Variants in STARD13 observed in about 807,000 individuals in gnomAD.
The protein encoded by STARD13 is stAR-related lipid transfer protein 13.
STARD13 carries 62 observed loss-of-function variants against 106.4 expected under a neutral mutation model. The observed-to-expected ratio is 0.58, with a 90% confidence interval of 0.48 to 0.72. The LOEUF (loss-of-function observed/expected upper bound fraction) is 0.72. STARD13 is among the 30% of genes least tolerant of loss of function. STARD13 has a pLI of 0.00. For synonymous variants in STARD13, 565 were observed against 553.0 expected (o/e 1.02, Z -0.31); for missense variants, 1,387 against 1,424.0 (o/e 0.97, Z 0.42).
chr13:33,422,823 T>G, the STARD13 span, among the ~76,000 whole-genome samples: 1 of 152,026 alleles, frequency 6.6e-6, no homozygotes, highest in African/African-American at 2.4e-5. Flanking sequence ...TTGACAAACC[T>G]GACAAAAACA....
chr13:33,310,039 G>C (rs1004931386), intron 1 of STARD13, among the ~76,000 whole-genome samples: 8 of 152,190 alleles, frequency 5.3e-5, no homozygotes, highest in Admixed American at 1.3e-4. Flanking sequence ...TATATATAGA[G>C]AATAATGACT....
rs1873775201 is a variant in STARD13 at position 33,106,775 on chromosome 13, G to C, written c.3207C>G (p.Ile1069Met). Reference sequence around the variant, plus strand: ...GCACTTACTTCAGGTCTATCCTGCAGATGTGAGTCAGTCTTGACTTGCCAG... The same window carrying C: ...GCACTTACTTCAGGTCTATCCTGCACATGTGAGTCAGTCTTGACTTGCCAG... ...CGSGKSRLTH[I>M]CRIDLKGHSP... Residue 1069 changes from isoleucine (I) to methionine (M), a missense_variant, in exon 13 of 14, where the codon ATC (isoleucine) becomes ATG (methionine). Physicochemically the swap from Ile to Met is conservative, Grantham distance 10 (BLOSUM62 1). Transcript: ENST00000336934. The C allele has an allele frequency of 2.5e-6, 4 of 1,613,346 alleles. No homozygotes were observed. In the South Asian group the frequency reaches 4.4e-5, roughly 18 times the overall value.
At chr13:33,549,388 AC>A in the STARD13 span, among the ~76,000 whole-genome samples, 2 of 152,030 alleles carry the variant, frequency 1.3e-5, no homozygotes. Flanking sequence ...TATCATCATC[AC>A]CTGGAAACTT....
chr13:33,662,818 G>A, the STARD13 span, among the ~76,000 whole-genome samples: 6 of 152,164 alleles, frequency 3.9e-5, no homozygotes, highest in Non-Finnish European at 7.3e-5. Flanking sequence ...AAATGCATAA[G>A]GAGACATAAA....
chr13:33,544,442 A>G, the STARD13 span, among the ~76,000 whole-genome samples: 1 of 152,242 alleles, frequency 6.6e-6, no homozygotes, highest in African/African-American at 2.4e-5. Context: ...TGCACACTGT[A>G]ACTTTTGTGC....
chr13:33,359,108 G>A, the STARD13 span, among the ~76,000 whole-genome samples: 1 of 152,060 alleles, frequency 6.6e-6, no homozygotes, highest in East Asian at 1.9e-4. Flanking sequence ...AGCCAGCATT[G>A]GCAACCCGCT....
At chr13:33,452,613 T>A in the STARD13 span, among the ~76,000 whole-genome samples, 4 of 152,214 alleles carry the variant, frequency 2.6e-5, no homozygotes, top group Non-Finnish European at 5.9e-5. Flanking sequence ...GAGTCTTGAA[T>A]CCAACTCTTA....
chr13:33,185,920 C>T (rs1464356930), intron 1 of STARD13: 3 of 1,614,232 alleles, frequency 1.9e-6, no homozygotes, highest in Admixed American at 3.3e-5. Context: ...TTCTGTTTCC[C>T]ACCACAGACA....
intron 7 of STARD13, among the ~76,000 whole-genome samples, chr13:33,121,619 C>G (rs1876323433): frequency 6.8e-6 from 1 of 146,610 alleles, no homozygotes; most frequent in Non-Finnish European, 1.5e-5. Flanking sequence ...GAATTTTTGA[C>G]AAGAGATAGT....
At chr13:33,160,275 T>C (rs1032698475) in intron 3 of STARD13, among the ~76,000 whole-genome samples, 5 of 152,180 alleles carry the variant, frequency 3.3e-5, no homozygotes, top group African/African-American at 1.2e-4. Flanking sequence ...ACTCACACCT[T>C]GTTCTTTCTA....
chr13:33,144,957 G>T (rs534676043), intron 3 of STARD13, among the ~76,000 whole-genome samples: 7 of 152,156 alleles, frequency 4.6e-5, no homozygotes, highest in Non-Finnish European at 8.8e-5. Context: ...ACTCGAATAT[G>T]CTTTATACTT....
chr13:33,439,192 T>C, the STARD13 span, among the ~76,000 whole-genome samples: 2 of 152,248 alleles, frequency 1.3e-5, no homozygotes, highest in Non-Finnish European at 2.9e-5. Flanking sequence ...ATTGGTTAGC[T>C]GTTAGTTTAC....
chr13:33,629,652 T>C, the STARD13 span, among the ~76,000 whole-genome samples: 1 of 152,246 alleles, frequency 6.6e-6, no homozygotes, highest in Non-Finnish European at 1.5e-5. Context: ...TGTATGAGAC[T>C]ATATGGCATT....
the STARD13 span, among the ~76,000 whole-genome samples, chr13:33,501,078 CTTTTTTTTTT>C: frequency 3.2e-5 from 3 of 94,088 alleles, no homozygotes; most frequent in African/African-American, 1.6e-4. Flanking sequence ...TCTCTCTCTC[CTTTTTTTTTT>C]TTTTTTTTTT....
the STARD13 span, among the ~76,000 whole-genome samples, chr13:33,411,545 G>A: frequency 1.4e-5 from 1 of 70,000 alleles, no homozygotes; most frequent in African/African-American, 5.6e-5. Flanking sequence ...AGAAACAAAG[G>A]GAAGGTGGGA....
At chr13:33,593,470 A>T in the STARD13 span, among the ~76,000 whole-genome samples, 1 of 152,136 alleles carries the variant, frequency 6.6e-6, no homozygotes, top group South Asian at 2.1e-4. Context: ...GGCATGAGCC[A>T]CCGTGCCCTG....
the STARD13 span, among the ~76,000 whole-genome samples, chr13:33,427,556 T>C: frequency 6.6e-6 from 1 of 152,140 alleles, no homozygotes; most frequent in Non-Finnish European, 1.5e-5. Context: ...CCCAATACTA[T>C]TTTTCACGAG....
At chr13:33,154,524 C>G (rs1404787035) in intron 3 of STARD13, among the ~76,000 whole-genome samples, 2 of 152,132 alleles carry the variant, frequency 1.3e-5, no homozygotes, top group African/African-American at 4.8e-5. Flanking sequence ...TGTAAATAAG[C>G]TATGTGCTTT....
rs182505376 is a variant in STARD13 at position 33,189,830 on chromosome 13, C to G, written c.170-22208G>C. Among the ~76,000 whole-genome samples, 512 of 152,112 alleles carry G rather than the reference C, an allele frequency of 3.4e-3. 1 individual carries two copies. The highest frequency in any genetic ancestry group is 6.0e-3 in the Non-Finnish European group (409 of 68,008). ...TTGCCCGGGTGATCCCAGTTTCTAG[C>G]AGGAGTTCAGCAGAAGTCACTGATT... On this transcript the variant is annotated intron_variant, in intron 1 of 13. Coordinates refer to ENST00000336934, the MANE Select transcript of STARD13 (RefSeq NM_178006.4).
Sources: allele counts gnomAD v4.1 joint callset (sites outside exome capture counted in the v4.1 genomes callset), GRCh38; gene constraint gnomAD v4.1.1; transcripts MANE v1.5; gene names NCBI Gene and HGNC (gene_info 2026-07-23, HGNC 2026-07-21).